The following MIA2 variants were observed in gnomAD, a reference collection of about 807,000 sequenced individuals.
MIA2 encodes melanoma inhibitory activity protein 2.
Under a neutral mutation model 167.8 loss-of-function variants are expected in MIA2, and 127 were observed. The observed-to-expected ratio is 0.76, with a 90% CI of 0.66 to 0.88. The LOEUF (loss-of-function observed/expected upper bound fraction) is 0.88, where lower values mean the gene tolerates loss of function less well. Among genes scored for constraint, MIA2 ranks in the 40% least tolerant of loss-of-function variants. The pLI, the probability that MIA2 is intolerant of heterozygous loss-of-function variation, is 0.00. For synonymous variants in MIA2, 552 were observed against 541.9 expected, an observed-to-expected ratio of 1.02 and a Z score of -0.26; for missense variants, 1,690 against 1,624.7, an observed-to-expected ratio of 1.04 and a Z score of -0.69.
At chr14:39,271,815 A>G (rs1466545694) in intron 6 of MIA2, among the ~76,000 whole-genome samples, 1 of 151,874 alleles carries the variant, frequency 6.6e-6, no homozygotes, top group African/African-American at 2.4e-5. Flanking sequence ...CACAACCAAG[A>G]AGAATTAGGC....
chr14:39,274,783 A>G (rs1055359632), intron 6 of MIA2, among the ~76,000 whole-genome samples: 5 of 148,034 alleles, frequency 3.4e-5, no homozygotes, highest in Admixed American at 6.8e-5. Flanking sequence ...TCAAGGCTTT[A>G]TTTTATTTTA....
downstream of MIA2, among the ~76,000 whole-genome samples, chr14:39,354,444 G>A (rs2074470315): frequency 6.6e-6 from 1 of 152,136 alleles, no homozygotes; most frequent in Non-Finnish European, 1.5e-5. Context: ...TGAGTTCTTT[G>A]TAGATTCTGG....
intron 6 of MIA2, 72 bp from the exon 7 acceptor site, chr14:39,276,862 T>G (rs2058073941): frequency 1.3e-6 from 2 of 1,545,074 alleles, no homozygotes; most frequent in Admixed American, 1.9e-5. Flanking sequence ...CACATAAACT[T>G]GTACCTATGT....
chr14:39,365,273 C>T (rs993896979), intron 23 of MIA2, among the ~76,000 whole-genome samples: 1 of 152,114 alleles, frequency 6.6e-6, no homozygotes, highest in African/African-American at 2.4e-5. Context: ...ACCATGTTGT[C>T]CAGGCTGGTC....
intron 6 of MIA2, among the ~76,000 whole-genome samples, chr14:39,261,425 A>T (rs1413298652): frequency 6.6e-6 from 1 of 152,106 alleles, no homozygotes; most frequent in East Asian, 1.9e-4. Context: ...GTCTTTGCTA[A>T]TGTGAATAGT....
intron 3 of MIA2, among the ~76,000 whole-genome samples, chr14:39,243,303 C>T (rs1483766770): frequency 6.6e-6 from 1 of 151,880 alleles, no homozygotes; most frequent in Non-Finnish European, 1.5e-5. Context: ...GCCTTTTATC[C>T]CCACATTTCT....
At chr14:39,238,228 A>C (rs1283914448) in intron 2 of MIA2, among the ~76,000 whole-genome samples, 1 of 150,842 alleles carries the variant, frequency 6.6e-6, no homozygotes, top group Non-Finnish European at 1.5e-5. Context: ...ACTGGAGTGC[A>C]GTGGCACGAT....
Position 39,266,528 on chromosome 14 carries a change from G to C in MIA2, c.1888-10406G>C, listed in dbSNP as rs564263777. 38 of 985,504 alleles carry C rather than the reference G, an allele frequency of 3.9e-5. No individual in the cohort carries two copies. The South Asian group carries it at 1.6e-3, about 40-fold the overall frequency. 61.0% of individuals were successfully genotyped at this position (985,504 alleles called of 1,614,324 possible). On this transcript the variant is annotated intron_variant, in intron 6 of 28. Transcript: ENST00000640607. ...CCTAACAAGTGCCCAGGTGACTCAG[G>C]TAAGCGAGGAAACCAGATCGAGGTT...
At chr14:39,387,054 G>A (rs1426597833) in exon 24 of MIA2, 1 of 691,256 alleles carries the variant, frequency 1.4e-6, no homozygotes, top group Non-Finnish European at 2.5e-6. Context: ...GTAGCTGGCG[G>A]CGGGTAATCA....
chr14:39,314,264 G>A (rs948871117), intron 19 of MIA2, among the ~76,000 whole-genome samples: 1 of 151,996 alleles, frequency 6.6e-6, no homozygotes, highest in African/African-American at 2.4e-5. Flanking sequence ...GTAGGTGCCT[G>A]TAATCCCAGC....
rs1433157876 is a variant in MIA2 at position 39,284,870 on chromosome 14, T to C, written c.2130+5333T>C. Among the ~76,000 whole-genome samples the C allele has an allele frequency of 2.6e-5, 4 of 152,214 alleles. No homozygotes were observed. The South Asian group carries it at 6.2e-4, about 24-fold the overall frequency. ...AGATAAACAAGTGAACAAAGGTCTC[T>C]GGTTTTCCTAGGCAGAGGACCCTGC... On this transcript the variant is annotated intron_variant, in intron 9 of 28. Coordinates refer to ENST00000640607, the MANE Select transcript of MIA2 (RefSeq NM_001329214.4).
chr14:39,361,542 G>T (rs575985735), intron 23 of MIA2, among the ~76,000 whole-genome samples: 37 of 151,370 alleles, frequency 2.4e-4, no homozygotes, highest in Non-Finnish European at 5.3e-4. Context: ...GGGTTCAAGC[G>T]ATTCTCCTGC....
chr14:39,308,176 G>T (rs2063662332), intron 17 of MIA2, among the ~76,000 whole-genome samples: 2 of 151,944 alleles, frequency 1.3e-5, no homozygotes, highest in Non-Finnish European at 2.9e-5. Context: ...AGAGGCGATG[G>T]TTATGCTAAT....
intron 6 of MIA2, chr14:39,267,544 G>T (rs376664088): frequency 1.2e-6 from 2 of 1,612,062 alleles, no homozygotes; most frequent in Admixed American, 3.3e-5. Context: ...CGCGATGAGT[G>T]TTACGTGGCC....
At chr14:39,261,210 A>G (rs966407103) in intron 6 of MIA2, among the ~76,000 whole-genome samples, 8 of 151,952 alleles carry the variant, frequency 5.3e-5, no homozygotes, top group African/African-American at 1.7e-4. Context: ...TCATTGTTCA[A>G]TTCCCACCTA....
At chr14:39,324,753 C>T (rs573862199) in intron 24 of MIA2, among the ~76,000 whole-genome samples, 4 of 152,064 alleles carry the variant, frequency 2.6e-5, no homozygotes, top group Middle Eastern at 6.8e-3. Flanking sequence ...ATTACAGGCA[C>T]GTGCCACTGT....
chr14:39,333,526 G>C (rs2069455216), intron 25 of MIA2, among the ~76,000 whole-genome samples: 1 of 152,080 alleles, frequency 6.6e-6, no homozygotes. Context: ...ATTGCCTCAG[G>C]CTTGGGCTCT....
chr14:39,282,470 C>A (rs982873243), intron 9 of MIA2, among the ~76,000 whole-genome samples: 2 of 152,152 alleles, frequency 1.3e-5, no homozygotes, highest in Non-Finnish European at 2.9e-5. Context: ...CCCTCCAGGG[C>A]AGCTATAATG....
intron 9 of MIA2, among the ~76,000 whole-genome samples, chr14:39,287,383 AC>A (rs958581510): frequency 1.3e-5 from 2 of 151,752 alleles, no homozygotes; most frequent in Non-Finnish European, 2.9e-5. Flanking sequence ...CCCTTCCAGT[AC>A]TGTTTTGAAT....
Sources: allele counts gnomAD v4.1 joint callset (sites outside exome capture counted in the v4.1 genomes callset), GRCh38; gene constraint gnomAD v4.1.1; transcripts MANE v1.5; gene names NCBI Gene and HGNC (gene_info 2026-07-23, HGNC 2026-07-21).